The following HDGFL2 variants were observed in gnomAD, a reference collection of about 807,000 sequenced individuals.
HDGFL2 encodes HDGF like 2, also known as hepatoma-derived growth factor-related protein 2.
In HDGFL2, 36 loss-of-function variants were observed where a neutral mutation model predicts 77.1. The ratio of observed to expected loss-of-function variants is 0.47; its 90% confidence interval spans 0.36 to 0.62. HDGFL2 has a LOEUF of 0.62. Ranked by LOEUF, HDGFL2 falls within the 20% of genes least tolerant of loss-of-function variation. The pLI, the probability that HDGFL2 is intolerant of heterozygous loss-of-function variation, is 0.00. For missense variants in HDGFL2, 976 were observed against 973.4 expected, an observed-to-expected ratio of 1.00 and a Z score of -0.04; for synonymous variants, 463 against 413.1, an observed-to-expected ratio of 1.12 and a Z score of -1.46.
intron 9 of HDGFL2, among the ~76,000 whole-genome samples, chr19:4,495,114 G>A (rs1021178489): frequency 2.0e-5 from 3 of 151,920 alleles, no homozygotes; most frequent in Admixed American, 6.6e-5. Context: ...TGGGCTGGGC[G>A]CAGTGGCTCA....
At position 4,492,368 on chromosome 19, in the gene HDGFL2, C is replaced by T. The variant is rs559705830; in HGVS notation, c.678+533C>T. On this transcript the variant is annotated intron_variant, in intron 6 of 15. Coordinates refer to ENST00000616600, the MANE Select transcript of HDGFL2 (RefSeq NM_001001520.3). ...TGTGTGTGTTTCTGGTGCCTGTGTC[C>T]CTGTGCCTGTATGCCTGTGTGTGTG... 8.1e-4 allele frequency among the ~76,000 whole-genome samples: 122 copies of T among 150,950 alleles called. 2 individuals carry two copies. Among genetic ancestry groups the T allele is most frequent in the Non-Finnish European group, 3.2e-4 (22 of 67,710 alleles).
chr19:4,472,421 G>A lies in HDGFL2; in HGVS notation c.71G>A (p.Arg24Lys). Residue 24 changes from arginine to lysine, a missense_variant and splice_region_variant, in exon 1 of 16, where the codon AGG becomes AAG. By Grantham distance (26) the Arg-to-Lys change is conservative (BLOSUM62 2). Transcript: ENST00000616600. The part of the protein sequence containing the change: ...KMKGYPHWPA[R>K]IDDIADGAVK... ...AAGGGCTACCCTCACTGGCCTGCCAGGGTGAGGCCGCGCGGGAGATGGGGC... is the reference window on the plus strand; with the variant it reads ...AAGGGCTACCCTCACTGGCCTGCCAAGGTGAGGCCGCGCGGGAGATGGGGC... 6.9e-6 allele frequency: 10 copies of A among 1,452,242 alleles called. No individual in the cohort carries two copies. The highest frequency in any genetic ancestry group is 9.1e-6 in the Non-Finnish European group (10 of 1,098,392). The allele number at this position is 1,452,242 out of a possible 1,614,324, so 90.0% of individuals were successfully genotyped here.
chr19:4,473,604 C>G (rs1343537451), intron 1 of HDGFL2, among the ~76,000 whole-genome samples: 1 of 142,914 alleles, frequency 7.0e-6, no homozygotes, highest in Non-Finnish European at 1.5e-5. Context: ...GGGCCATGTG[C>G]TAGGGGTCCA....
Position 4,475,594 on chromosome 19 carries a change from G to A in HDGFL2, c.288+11G>A, listed in dbSNP as rs778102909. 79 of 1,564,516 alleles carry A rather than the reference G, an allele frequency of 5.0e-5. 1 individual carries two copies. Among genetic ancestry groups the A allele is most frequent in the Non-Finnish European group, 6.0e-5 (70 of 1,162,210 alleles). ...TACAGCGCCCCTCCGGTGAGTACCCGGGGTGGAGAGCCAGTGTGAAGCGCG... is the reference window on the plus strand; with the variant it reads ...TACAGCGCCCCTCCGGTGAGTACCCAGGGTGGAGAGCCAGTGTGAAGCGCG... On this transcript the variant is annotated intron_variant, in intron 3 of 15. Transcript: ENST00000616600.
Position 4,501,231 on chromosome 19 carries a change from G to C in HDGFL2, c.1830G>C (p.Lys610Asn), listed in dbSNP as rs201841861. The C allele has an allele frequency of 7.0e-4, 1,130 of 1,613,722 alleles. No individual in the cohort carries two copies. Among genetic ancestry groups the C allele is most frequent in the Non-Finnish European group, 8.7e-4 (1,027 of 1,179,974 alleles). ...APVNGEATSQ[K>N]GESAEDKEHE... Reference sequence around the variant, plus strand: ...TGAATGGCGAGGCCACATCACAGAAGGGGGAGAGCGCAGAGGACAAGGAGC... The same window carrying C: ...TGAATGGCGAGGCCACATCACAGAACGGGGAGAGCGCAGAGGACAAGGAGC... Residue 610 changes from lysine to asparagine, a missense_variant, in exon 15 of 16, where the codon AAG becomes AAC. This residue lies in a region of HDGFL2 where 229 missense variants were observed against 187.3 expected (regional missense o/e 1.22). Transcript: ENST00000616600.
At chr19:4,480,949 CGGG>C in intron 3 of HDGFL2, among the ~76,000 whole-genome samples, 1 of 134,414 alleles carries the variant, frequency 7.4e-6, no homozygotes, top group African/African-American at 2.8e-5. Context: ...CTCCACCTCC[CGGG>C]TTCAAGCTAT....
intron 10 of HDGFL2, 116 bp downstream of exon 10, chr19:4,496,521 G>A (rs972280328): frequency 3.0e-5 from 23 of 779,236 alleles, no homozygotes; most frequent in Middle Eastern, 3.6e-4. Flanking sequence ...AGCCGGACCC[G>A]GTTGAAGTTC....
chr19:4,478,197 GTT>G (rs113038095), intron 3 of HDGFL2, among the ~76,000 whole-genome samples: 28 of 140,468 alleles, frequency 2.0e-4, no homozygotes, highest in Non-Finnish European at 3.1e-4. Context: ...GGATGCTGCT[GTT>G]TTTTTTTTTT....
At position 4,502,081 on chromosome 19, in the gene HDGFL2, G is replaced by C. The variant is rs1189506418; in HGVS notation, c.*71G>C. ...CTCTCCTTCCCCGGCTCGCAGGAGA[G>C]CAGAGCAGAGAACTGTGGGGAACGC... On this transcript the variant is annotated 3_prime_UTR_variant, in exon 16 of 16. Transcript: ENST00000616600. 1 of 1,089,482 alleles carries C rather than the reference G, an allele frequency of 9.2e-7. No individual in the cohort carries two copies. The highest frequency in any genetic ancestry group is 1.4e-6 in the Non-Finnish European group (1 of 738,898). 67.5% of individuals were successfully genotyped at this position (1,089,482 alleles called of 1,614,324 possible).
chr19:4,498,098 T>C, intron 11 of HDGFL2, 67 bp downstream of exon 11: 1 of 1,414,126 alleles, frequency 7.1e-7, no homozygotes, highest in Non-Finnish European at 9.7e-7. Context: ...AGCCGTGGCG[T>C]GGCTGGCCTG....
At position 4,498,038 on chromosome 19, in the gene HDGFL2, C is replaced by T. The variant is rs753137187; in HGVS notation, c.1402+7C>T. ...AAGGTAGAGAAGAAGAAAGGTGAGG[C>T]CTGGCTGCCCAGCACTGCCCACACT... On this transcript the variant is annotated splice_region_variant and intron_variant, in intron 11 of 15. Transcript: ENST00000616600. 1.9e-6 allele frequency: 3 copies of T among 1,552,882 alleles called. No individual in the cohort carries two copies. The highest frequency in any genetic ancestry group is 2.6e-6 in the Non-Finnish European group (3 of 1,147,446).
chr19:4,478,839 C>T (rs1264724078), intron 3 of HDGFL2, among the ~76,000 whole-genome samples: 1 of 151,940 alleles, frequency 6.6e-6, no homozygotes, highest in Admixed American at 6.6e-5. Context: ...CATGTGCCAC[C>T]ACGCCCGGCT....
At chr19:4,482,963 C>T (rs1599705461) in intron 3 of HDGFL2, among the ~76,000 whole-genome samples, 1 of 152,128 alleles carries the variant, frequency 6.6e-6, no homozygotes, top group Non-Finnish European at 1.5e-5. Context: ...GCTCCTCATT[C>T]TCTGAGCTGC....
chr19:4,492,703 TGTC>T (rs1975551727), intron 6 of HDGFL2, among the ~76,000 whole-genome samples: 1 of 147,352 alleles, frequency 6.8e-6, no homozygotes, highest in Non-Finnish European at 1.5e-5. Flanking sequence ...TGGTATGTGT[TGTC>T]TGTGTGTGGT....
Position 4,493,026 on chromosome 19 carries a change from CTG to C in HDGFL2, c.679-670_679-669del, listed in dbSNP as rs1179783024. Among the ~76,000 whole-genome samples, 371 of 94,510 alleles carry C rather than the reference CTG, an allele frequency of 3.9e-3. 5 individuals carry two copies. The highest frequency in any genetic ancestry group is 0.016 in the African/African-American group (351 of 22,580). 62.0% of individuals were successfully genotyped at this position (94,510 alleles called of 152,430 possible). A position where few individuals can be genotyped will look rare whatever the true frequency, so the allele number is the denominator to read the frequency against. On this transcript the variant is annotated intron_variant, in intron 6 of 15. Transcript: ENST00000616600. ...GTTGTGTGTGGTGCGTGTGTGTTAT[CTG>C]TGTGTGGTGTGTGGTATCTGTGTGG...
chr19:4,494,563 G>A (rs1975651567), intron 9 of HDGFL2, 88 bp downstream of exon 9: 2 of 1,037,508 alleles, frequency 1.9e-6, no homozygotes, highest in South Asian at 3.6e-5. Flanking sequence ...CCCAGGTTCC[G>A]GGACCCATCA....
intron 6 of HDGFL2, among the ~76,000 whole-genome samples, chr19:4,492,556 T>G (rs958302482): frequency 2.0e-5 from 3 of 150,662 alleles, no homozygotes; most frequent in Non-Finnish European, 4.4e-5. Context: ...TTGTGTGTGT[T>G]TGTGTGTCTG....
Position 4,480,444 on chromosome 19 carries a change from C to T in HDGFL2, c.288+4861C>T, listed in dbSNP as rs538408902. On this transcript the variant is annotated intron_variant, in intron 3 of 15. Coordinates refer to ENST00000616600, the MANE Select transcript of HDGFL2 (RefSeq NM_001001520.3). ...CCTCTTAGAAGTGGGAGTTGGGAGGCGTAGTGGCTCACACCTGTAATCCCA... is the reference window on the plus strand; with the variant it reads ...CCTCTTAGAAGTGGGAGTTGGGAGGTGTAGTGGCTCACACCTGTAATCCCA... Among the ~76,000 whole-genome samples, 120 of 152,166 alleles carry T rather than the reference C, an allele frequency of 7.9e-4. 3 individuals carry two copies. In the South Asian group the frequency reaches 0.024, roughly 31 times the overall value.
chr19:4,499,683 G>T lies in HDGFL2; in HGVS notation c.1768G>T (p.Ala590Ser). The part of the protein sequence containing the change: ...LAGEEAPQEK[A>S]EDKPSTDLSA... ...CGGGGAGGAGGCCCCCCAGGAGAAG[G>T]CGGAGGACAAGCCCAGCACCGGTGA... The change falls in exon 14 of 16, where the codon GCG becomes TCG. Residue 590 changes from alanine (A) to serine (S), a missense_variant. Ala to Ser is a moderately conservative substitution (Grantham distance 99). Coordinates refer to ENST00000616600, the MANE Select transcript of HDGFL2 (RefSeq NM_001001520.3). 6.4e-7 allele frequency: 1 copy of T among 1,574,036 alleles called. No individual in the cohort carries two copies.
Sources: allele counts gnomAD v4.1 joint callset (sites outside exome capture counted in the v4.1 genomes callset), GRCh38; gene constraint gnomAD v4.1.1; regional missense constraint gnomAD v4.1.1; transcripts MANE v1.5; gene names NCBI Gene and HGNC (gene_info 2026-07-23, HGNC 2026-07-21).